Variants in CDK6 observed in about 807,000 individuals in gnomAD.
The protein encoded by CDK6 is cyclin-dependent kinase 6.
A neutral mutation model predicts 37.1 loss-of-function variants in CDK6; 6 were observed. The ratio of observed to expected loss-of-function variants is 0.16; its 90% CI spans 0.09 to 0.32. CDK6 has a LOEUF of 0.32. Among genes scored for constraint, CDK6 ranks in the 10% least tolerant of loss-of-function variants. The probability of loss-of-function intolerance (pLI) is 1.00; values close to 1 mark genes in which losing one functional copy is unlikely to be tolerated. For synonymous variants in CDK6, 160 were observed against 161.3 expected (o/e 0.99, Z 0.06); for missense variants, 224 against 418.9 (o/e 0.53, Z 4.06).
In CDK6 at chr7:92,742,649, C is replaced by G. The variant is rs181618571; in HGVS notation, c.370-16856G>C. On this transcript the variant is annotated intron_variant, in intron 3 of 7. Transcript: ENST00000424848. ...CAAAGTAGTACAATGGTAGGCTAAA[C>G]AAATTGTTTTTCTTCTTTAAAGTTT... Among the ~76,000 whole-genome samples the G allele has an allele frequency of 2.8e-4, 42 of 152,088 alleles. 1 individual carries two copies. In the East Asian group the frequency reaches 5.8e-3, roughly 21 times the overall value.
intron 4 of CDK6, among the ~76,000 whole-genome samples, chr7:92,678,037 T>G (rs1424316635): frequency 6.6e-6 from 1 of 152,234 alleles, no homozygotes; most frequent in Non-Finnish European, 1.5e-5. Context: ...TTATTTTTAT[T>G]TGAAAGCTTT....
intron 2 of CDK6, among the ~76,000 whole-genome samples, chr7:92,802,052 G>A (rs1405373558): frequency 1.5e-5 from 2 of 129,816 alleles, no homozygotes; most frequent in Non-Finnish European, 1.6e-5. Context: ...ATATATTCAT[G>A]GGGAACAAGC....
At chr7:92,742,289 A>G (rs536213289) in intron 3 of CDK6, among the ~76,000 whole-genome samples, 1 of 152,314 alleles carries the variant, frequency 6.6e-6, no homozygotes, top group Admixed American at 6.5e-5. Flanking sequence ...CTTTCCTTGA[A>G]TATTTCCAAT....
intron 4 of CDK6, among the ~76,000 whole-genome samples, chr7:92,684,888 T>C (rs573852397): frequency 4.3e-4 from 65 of 152,286 alleles, no homozygotes; most frequent in Non-Finnish European, 8.5e-4. Flanking sequence ...GACATAAGAA[T>C]TCTTTGGTTT....
At chr7:92,710,744 G>A in intron 4 of CDK6, 1 of 985,384 alleles carries the variant, frequency 1.0e-6, no homozygotes, top group South Asian at 4.7e-5. Flanking sequence ...GTTATGATCT[G>A]TTTCTACTGC....
At chr7:92,751,200 T>G (rs1366538324) in intron 3 of CDK6, among the ~76,000 whole-genome samples, 4 of 152,168 alleles carry the variant, frequency 2.6e-5, no homozygotes, top group Non-Finnish European at 5.9e-5. Flanking sequence ...AATCTTCCTT[T>G]GTTCTCAAAT....
rs190363527 is a variant in CDK6, at chr7:92,712,792, G to A, written c.537+12834C>T. ...AAAGGCATGACAGTGGACAGTTTGG[G>A]TATAAGAACATGTGAGTTTCTCTCT... On this transcript the variant is annotated intron_variant, in intron 4 of 7. Transcript: ENST00000424848. Among the ~76,000 whole-genome samples the A allele has an allele frequency of 5.3e-3, 804 of 152,172 alleles. 1 individual carries two copies. Among genetic ancestry groups the A allele is most frequent in the Non-Finnish European group, 6.8e-3 (459 of 67,994 alleles).
intron 3 of CDK6, among the ~76,000 whole-genome samples, chr7:92,742,228 A>G (rs1798941008): frequency 6.6e-6 from 1 of 152,236 alleles, no homozygotes; most frequent in African/African-American, 2.4e-5. Flanking sequence ...CAAAATAACC[A>G]AGGTAAATAC....
At chr7:92,621,765 G>A (rs1795809341) in intron 6 of CDK6, among the ~76,000 whole-genome samples, 1 of 152,182 alleles carries the variant, frequency 6.6e-6, no homozygotes, top group South Asian at 2.1e-4. Context: ...AGAGTGGTCA[G>A]TAGTAGGAGC....
intron 4 of CDK6, chr7:92,710,741 T>A (rs1357249232): frequency 2.0e-6 from 2 of 985,222 alleles, no homozygotes; most frequent in Non-Finnish European, 2.4e-6. Context: ...TTTGTTATGA[T>A]CTGTTTCTAC....
chr7:92,678,222 A>G (rs1157563327), intron 4 of CDK6, among the ~76,000 whole-genome samples: 2 of 152,254 alleles, frequency 1.3e-5, no homozygotes, highest in African/African-American at 2.4e-5. Flanking sequence ...TGAGTGCAAT[A>G]TATAAAGATC....
At chr7:92,626,243 C>T (rs1795925328) in intron 5 of CDK6, among the ~76,000 whole-genome samples, 1 of 151,678 alleles carries the variant, frequency 6.6e-6, no homozygotes, top group African/African-American at 2.4e-5. Context: ...AATTACATTT[C>T]AAAGTATATA....
intron 4 of CDK6, among the ~76,000 whole-genome samples, chr7:92,699,726 CATCAT>C (rs1159196965): frequency 2.6e-5 from 4 of 152,198 alleles, no homozygotes; most frequent in African/African-American, 9.6e-5. Context: ...ATGATGAAGT[CATCAT>C]ATCTGTTCTC....
chr7:92,834,182 G>A lies in CDK6; in HGVS notation c.-367-492C>T, dbSNP rs1801581805. Among the ~76,000 whole-genome samples the A allele has an allele frequency of 6.6e-6, 1 of 152,174 alleles. No homozygotes were observed. Among genetic ancestry groups the A allele is most frequent in the Non-Finnish European group, 1.5e-5 (1 of 68,026 alleles). Reference sequence around the variant, plus strand: ...ACAAGCTGGAGCGGAAGGACTGTGGGTCCATCCGTGTGGGGCCGCAGAATG... The same window carrying A: ...ACAAGCTGGAGCGGAAGGACTGTGGATCCATCCGTGTGGGGCCGCAGAATG... On this transcript the variant is annotated intron_variant, in intron 1 of 7. Coordinates refer to ENST00000424848, the MANE Select transcript of CDK6 (RefSeq NM_001145306.2). This position sits in a 1 kb window ranked among gnomAD's most constrained non-coding sequence, Gnocchi z 4.6.
chr7:92,643,628 T>C lies in CDK6; in HGVS notation c.648-20542A>G, dbSNP rs370445857. The stretch of plus-strand genomic sequence containing the variant: ...CAGGCCTGCTGAGGTCTATTCACTT[T>C]CTTTTCATCTTTGGTTGTAGCTAGA... On this transcript the variant is annotated intron_variant, in intron 5 of 7. Coordinates refer to ENST00000424848, the MANE Select transcript of CDK6 (RefSeq NM_001145306.2). Among the ~76,000 whole-genome samples the C allele has an allele frequency of 6.6e-5, 10 of 152,338 alleles. No individual in the cohort carries two copies. The East Asian group carries it at 1.5e-3, about 24-fold the overall frequency.
chr7:92,759,240 T>A (rs1799391481), intron 3 of CDK6, among the ~76,000 whole-genome samples: 1 of 152,154 alleles, frequency 6.6e-6, no homozygotes, highest in Non-Finnish European at 1.5e-5. Flanking sequence ...GACAAGGCGA[T>A]GATTTTCCAG....
At position 92,656,983 on chromosome 7, in the gene CDK6, C is replaced by T. The variant is rs151144437; in HGVS notation, c.647+14443G>A. On this transcript the variant is annotated intron_variant, in intron 5 of 7. Transcript: ENST00000424848. ...CCATTAGATCATACCCTTGGTCTTC[C>T]GGCCACACTTCTGCATGACTGTCCA... 1.5e-3 allele frequency among the ~76,000 whole-genome samples: 226 copies of T among 152,188 alleles called. 1 individual carries two copies. Among genetic ancestry groups the T allele is most frequent in the African/African-American group, 4.7e-3 (195 of 41,530 alleles).
chr7:92,820,462 C>T (rs781744190), intron 2 of CDK6, among the ~76,000 whole-genome samples: 13 of 152,020 alleles, frequency 8.6e-5, no homozygotes, highest in South Asian at 4.2e-4. Context: ...TGTTGCAGTA[C>T]GGAACAGAAT....
intron 4 of CDK6, among the ~76,000 whole-genome samples, chr7:92,675,022 T>C (rs1797172427): frequency 6.6e-6 from 1 of 152,060 alleles, no homozygotes; most frequent in Non-Finnish European, 1.5e-5. Flanking sequence ...TTTGTAGAGA[T>C]AGGGTTTCAC....
Sources: allele counts gnomAD v4.1 joint callset (sites outside exome capture counted in the v4.1 genomes callset), GRCh38; gene constraint gnomAD v4.1.1; non-coding constraint Gnocchi (gnomAD v3.1); transcripts MANE v1.5; gene names NCBI Gene and HGNC (gene_info 2026-07-23, HGNC 2026-07-21).